JAK1: variants seen among roughly 807,000 people sequenced by gnomAD.
JAK1 encodes the protein tyrosine-protein kinase JAK1.
Under a neutral mutation model 136.6 loss-of-function variants are expected in JAK1, and 16 were observed. That is an observed-to-expected ratio of 0.12 (90% CI 0.08 to 0.18). The LOEUF (loss-of-function observed/expected upper bound fraction) is 0.18. JAK1 is among the 10% of genes least tolerant of loss of function. The pLI is 1.00. For missense variants in JAK1, 859 were observed against 1,450.1 expected (o/e 0.59, Z 6.62); for synonymous variants, 492 against 519.5 (o/e 0.95, Z 0.72).
intron 1 of JAK1, among the ~76,000 whole-genome samples, chr1:64,917,449 A>G (rs1040021112): frequency 6.6e-6 from 1 of 152,186 alleles, no homozygotes; most frequent in African/African-American, 2.4e-5. Flanking sequence ...AACTCCCAGG[A>G]GCACAGAACA....
At chr1:64,886,114 C>T (rs577330346) in intron 2 of JAK1, 145 bp downstream of exon 2, 1 of 535,994 alleles carries the variant, frequency 1.9e-6, no homozygotes, top group Non-Finnish European at 3.3e-6. Flanking sequence ...AACCAGCATA[C>T]TCAACATTGG....
chr1:65,046,616 G>A (rs1004020163), intron 1 of JAK1, among the ~76,000 whole-genome samples: 15 of 152,228 alleles, frequency 9.9e-5, no homozygotes, highest in African/African-American at 3.6e-4. Flanking sequence ...TTGGTTGAAG[G>A]AGACCTGAGT....
At chr1:64,866,551 G>A (rs1455981875) in intron 7 of JAK1, among the ~76,000 whole-genome samples, 1 of 152,098 alleles carries the variant, frequency 6.6e-6, no homozygotes, top group Non-Finnish European at 1.5e-5. Flanking sequence ...TTTATTTTTA[G>A]AAATAAATGA....
chr1:65,001,798 A>G (rs1340674043), intron 2 of JAK1, among the ~76,000 whole-genome samples: 1 of 151,758 alleles, frequency 6.6e-6, no homozygotes, highest in African/African-American at 2.4e-5. Context: ...GGGTAGCAGG[A>G]ACCCTAGCTT....
intron 2 of JAK1, among the ~76,000 whole-genome samples, chr1:65,002,711 G>A (rs982689448): frequency 1.3e-5 from 2 of 152,226 alleles, no homozygotes; most frequent in Admixed American, 6.5e-5. Context: ...GGAGGCGGGG[G>A]CACCGCGCAG....
At chr1:64,910,843 CAAA>C (rs369528546) in intron 1 of JAK1, among the ~76,000 whole-genome samples, 12 of 89,282 alleles carry the variant, frequency 1.3e-4, no homozygotes, top group Admixed American at 4.7e-4. Context: ...GACTCTGTCT[CAAA>C]AAAAAAAAAA....
intron 1 of JAK1, among the ~76,000 whole-genome samples, chr1:64,943,821 T>C (rs1569654122): frequency 9.9e-6 from 1 of 101,388 alleles, no homozygotes; most frequent in Non-Finnish European, 2.0e-5. Context: ...CCTTAACATA[T>C]GTAGCTTTAA....
In JAK1 at chr1:64,852,800, A is replaced by G. The variant is rs541788557; in HGVS notation, c.1649-1890T>C. On this transcript the variant is annotated intron_variant, in intron 11 of 24. Transcript: ENST00000342505. ...ACCGTGTGGAAGAATGGGATGACGC[A>G]AGGGAACGGCTGCCTTCAGTGCCCG... 2.6e-5 allele frequency among the ~76,000 whole-genome samples: 4 copies of G among 152,188 alleles called. No individual in the cohort carries two copies. The South Asian group carries it at 8.3e-4, about 32-fold the overall frequency.
rs544791283 is a variant in JAK1 at position 65,065,856 on chromosome 1, G to A, written c.-181+1748C>T. ...GACCCAGAGGGGAATAAAAAACAGC[G>A]CACTGGCCAAAGGGGGTCACTTCTC... On this transcript the variant is annotated intron_variant, in intron 1 of 25. Transcript: ENST00000671954. Among the ~76,000 whole-genome samples the A allele has an allele frequency of 2.0e-4, 31 of 151,578 alleles. 1 individual carries two copies. The highest frequency in any genetic ancestry group is 5.8e-4 in the African/African-American group (24 of 41,292).
intron 1 of JAK1, among the ~76,000 whole-genome samples, chr1:65,050,251 C>T (rs1017252285): frequency 3.3e-5 from 5 of 152,166 alleles, no homozygotes; most frequent in Admixed American, 1.3e-4. Flanking sequence ...TCACAGAATT[C>T]GCCATCTAAC....
intron 9 of JAK1, chr1:64,859,620 C>T (rs1656164265): frequency 6.6e-6 from 1 of 152,304 alleles, no homozygotes; most frequent in Non-Finnish European, 1.5e-5. Context: ...CTGAGATCAT[C>T]ATCTGATCTT....
At chr1:65,043,570 G>A (rs1404232133) in intron 2 of JAK1, among the ~76,000 whole-genome samples, 2 of 152,022 alleles carry the variant, frequency 1.3e-5, no homozygotes, top group Non-Finnish European at 2.9e-5. Context: ...GTCTTGCTCT[G>A]TTGCCCAGGC....
At chr1:64,936,470 A>C (rs529257254) in intron 1 of JAK1, among the ~76,000 whole-genome samples, 2 of 152,344 alleles carry the variant, frequency 1.3e-5, no homozygotes, top group East Asian at 3.9e-4. Flanking sequence ...TGGAAGAATT[A>C]ATTCATTCTT....
rs764149279 is a variant in JAK1 at position 64,867,055 on chromosome 1, C to T, written c.801G>A (p.Lys267=). 6.2e-7 allele frequency: 1 copy of T among 1,614,226 alleles called. No homozygotes were observed. Among genetic ancestry groups the T allele is most frequent in the Admixed American group, 1.7e-5 (1 of 60,028 alleles). Residue 267 remains lysine, a synonymous_variant, in exon 7 of 25, where the codon AAG becomes AAA. Transcript: ENST00000342505. ...CDSSVSTHDL[K]VKYLATLETL... is the part of the protein sequence containing the mutation. ...TTTCCAAGGTAGCCAAGTATTTCACCTTCAGGTCATGCGTGGACACGCTGC... is the reference window on the plus strand; with the variant it reads ...TTTCCAAGGTAGCCAAGTATTTCACTTTCAGGTCATGCGTGGACACGCTGC...
intron 2 of JAK1, among the ~76,000 whole-genome samples, chr1:65,011,281 G>C (rs1206092593): frequency 3.3e-5 from 5 of 152,032 alleles, no homozygotes; most frequent in Admixed American, 3.3e-4. Flanking sequence ...TTTGAGACCA[G>C]CCTGAGCAAC....
intron 1 of JAK1, among the ~76,000 whole-genome samples, chr1:64,915,994 C>T (rs1645389534): frequency 6.6e-6 from 1 of 152,190 alleles, no homozygotes; most frequent in Non-Finnish European, 1.5e-5. Context: ...AGGAATGTGA[C>T]CATCTCACCA....
At chr1:64,915,370 A>C (rs1645376746) in intron 1 of JAK1, among the ~76,000 whole-genome samples, 1 of 152,206 alleles carries the variant, frequency 6.6e-6, no homozygotes, top group Non-Finnish European at 1.5e-5. Flanking sequence ...ATCCACAAAT[A>C]CTGAATCCCA....
intron 10 of JAK1, among the ~76,000 whole-genome samples, chr1:64,856,480 C>T (rs75056795): frequency 0.013 from 1,969 of 152,172 alleles, 43 homozygotes; most frequent in African/African-American, 0.045. Context: ...CCACAGTGTG[C>T]GGTGGAAGTA....
At chr1:65,037,546 A>G (rs1201242062) in intron 2 of JAK1, among the ~76,000 whole-genome samples, 22 of 152,224 alleles carry the variant, frequency 1.4e-4, no homozygotes, top group Admixed American at 1.4e-3. Flanking sequence ...TTAGAAGTCA[A>G]TAAGTATAGA....
Sources: gnomAD v4.1 joint callset for allele counts (sites outside exome capture counted in the v4.1 genomes callset) on GRCh38, gnomAD v4.1.1 for gene constraint, MANE v1.5 for transcripts, NCBI Gene and HGNC (gene_info 2026-07-23, HGNC 2026-07-21) for gene names.